Variants in AKAIN1 observed in about 807,000 individuals in gnomAD.
The protein encoded by AKAIN1 is A-kinase anchor inhibitor 1.
A neutral mutation model predicts 3.7 loss-of-function variants in AKAIN1; 3 were observed. The observed-to-expected ratio is 0.82, with a 90% CI of 0.37 to 2.12. The LOEUF (loss-of-function observed/expected upper bound fraction) is 2.12, where lower values mean the gene tolerates loss of function less well. Ranked by LOEUF, AKAIN1 falls within the 30% of genes most tolerant of loss-of-function variation. AKAIN1 has a pLI of 0.06. For synonymous variants in AKAIN1, 31 were observed against 30.8 expected (o/e 1.01, Z -0.02); for missense variants, 82 against 82.7 (o/e 0.99, Z 0.03).
chr18:5,157,980 C>T (rs1321711439), intron 1 of AKAIN1, among the ~76,000 whole-genome samples: 4 of 152,170 alleles, frequency 2.6e-5, no homozygotes, highest in African/African-American at 9.7e-5. Flanking sequence ...AGGTGTGAGA[C>T]ACCAAGCCCA....
intron 1 of AKAIN1, among the ~76,000 whole-genome samples, chr18:5,157,624 T>C (rs1326416041): frequency 5.3e-5 from 8 of 152,280 alleles, no homozygotes; most frequent in African/African-American, 1.9e-4. Context: ...AAAGATAAAA[T>C]CTAGTCATGT....
intron 1 of AKAIN1, 24 bp from the exon 2 acceptor site, chr18:5,145,779 G>C (rs1567870045): frequency 6.5e-7 from 1 of 1,536,220 alleles, no homozygotes; most frequent in Admixed American, 2.0e-5. Context: ...TGAAAAGGAG[G>C]GGAAAAGGAG....
At chr18:5,153,876 A>G (rs1230995127) in intron 1 of AKAIN1, among the ~76,000 whole-genome samples, 3 of 151,194 alleles carry the variant, frequency 2.0e-5, no homozygotes, top group East Asian at 2.0e-4. Context: ...GGGGATGTAG[A>G]AAGGGGGAGG....
chr18:5,155,572 A>T (rs2071103282), intron 1 of AKAIN1, among the ~76,000 whole-genome samples: 2 of 152,154 alleles, frequency 1.3e-5, no homozygotes, highest in Non-Finnish European at 2.9e-5. Context: ...CCTCTATGAG[A>T]AACAAGCTCT....
rs116908544 is a variant in AKAIN1, at chr18:5,178,590, C to A, written c.16+18448G>T. 1.5e-4 allele frequency among the ~76,000 whole-genome samples: 23 copies of A among 152,180 alleles called. No homozygotes were observed. The East Asian group carries it at 2.3e-3, about 15-fold the overall frequency. ...ATGATCATTTGTTCATTCATTTATA[C>A]GACATGTACAGAGCACTTGTATGTG... On this transcript the variant is annotated intron_variant, in intron 1 of 1. Coordinates refer to ENST00000434239, the MANE Select transcript of AKAIN1 (RefSeq NM_001145194.2).
At chr18:5,184,325 T>C (rs1242544067) in intron 1 of AKAIN1, among the ~76,000 whole-genome samples, 1 of 152,082 alleles carries the variant, frequency 6.6e-6, no homozygotes, top group East Asian at 1.9e-4. Context: ...GTCAACATAG[T>C]ACTAGAAGTC....
At chr18:5,164,703 T>G (rs751864479) in intron 1 of AKAIN1, among the ~76,000 whole-genome samples, 20 of 152,034 alleles carry the variant, frequency 1.3e-4, no homozygotes, top group Admixed American at 4.6e-4. Context: ...AACAAAATTT[T>G]ATCGTGACAT....
intron 1 of AKAIN1, among the ~76,000 whole-genome samples, chr18:5,191,901 CATAGCCT>C (rs1185106011): frequency 7.2e-5 from 11 of 152,260 alleles, no homozygotes; most frequent in African/African-American, 2.4e-4. Context: ...ATCTTATGCA[CATAGCCT>C]ATACGCATAT....
intron 1 of AKAIN1, among the ~76,000 whole-genome samples, chr18:5,185,044 C>T (rs1476143617): frequency 6.6e-6 from 1 of 152,082 alleles, no homozygotes. Context: ...TATTACTGCA[C>T]ACCTACCACC....
At chr18:5,188,354 C>T (rs571892657) in intron 1 of AKAIN1, among the ~76,000 whole-genome samples, 1 of 152,044 alleles carries the variant, frequency 6.6e-6, no homozygotes, top group East Asian at 1.9e-4. Flanking sequence ...ATGGCAGCTC[C>T]ACCCATGGGC....
intron 1 of AKAIN1, among the ~76,000 whole-genome samples, chr18:5,164,640 G>A (rs2071157609): frequency 2.0e-5 from 3 of 152,072 alleles, no homozygotes; most frequent in Middle Eastern, 3.4e-3. Flanking sequence ...TGTCCTCAAT[G>A]TATCCCCCTA....
At chr18:5,161,547 G>A (rs1039994483) in intron 1 of AKAIN1, among the ~76,000 whole-genome samples, 11 of 151,664 alleles carry the variant, frequency 7.3e-5, no homozygotes, top group African/African-American at 2.2e-4. Context: ...ACCTTTCTAT[G>A]CTGGTTGGAG....
chr18:5,151,812 A>T (rs904817810), intron 1 of AKAIN1, among the ~76,000 whole-genome samples: 3 of 152,246 alleles, frequency 2.0e-5, no homozygotes, highest in African/African-American at 7.2e-5. Flanking sequence ...GAGGACCTAC[A>T]TGTATGGTAC....
intron 1 of AKAIN1, among the ~76,000 whole-genome samples, chr18:5,169,293 T>C (rs2071184473): frequency 6.6e-6 from 1 of 152,126 alleles, no homozygotes; most frequent in South Asian, 2.1e-4. Context: ...TAATTATATC[T>C]TTAAAAATAT....
intron 1 of AKAIN1, among the ~76,000 whole-genome samples, chr18:5,188,832 C>T (rs1427371773): frequency 6.6e-6 from 1 of 152,138 alleles, no homozygotes; most frequent in Non-Finnish European, 1.5e-5. Context: ...AGAGCTGCTC[C>T]TCTGACTGTT....
chr18:5,155,635 A>G (rs1433419290), intron 1 of AKAIN1, among the ~76,000 whole-genome samples: 1 of 152,212 alleles, frequency 6.6e-6, no homozygotes, highest in Non-Finnish European at 1.5e-5. Context: ...CAGAAAGTTC[A>G]GGAAAAGCAA....
At chr18:5,187,285 C>T (rs2071293095) in intron 1 of AKAIN1, among the ~76,000 whole-genome samples, 1 of 152,072 alleles carries the variant, frequency 6.6e-6, no homozygotes, top group Non-Finnish European at 1.5e-5. Flanking sequence ...AAACCTGTAG[C>T]CACGCAGACA....
chr18:5,190,345 A>T (rs537998546), intron 1 of AKAIN1, among the ~76,000 whole-genome samples: 3 of 152,200 alleles, frequency 2.0e-5, no homozygotes, highest in Admixed American at 6.5e-5. Context: ...AGAATATTAC[A>T]AACAACTGTA....
At chr18:5,160,209 C>G (rs760623002) in intron 1 of AKAIN1, among the ~76,000 whole-genome samples, 1 of 152,152 alleles carries the variant, frequency 6.6e-6, no homozygotes, top group Non-Finnish European at 1.5e-5. Flanking sequence ...GCACTCTCCT[C>G]AGCAAGGAAC....
Sources: gnomAD v4.1 joint callset for allele counts (sites outside exome capture counted in the v4.1 genomes callset) on GRCh38, gnomAD v4.1.1 for gene constraint, MANE v1.5 for transcripts, NCBI Gene and HGNC (gene_info 2026-07-23, HGNC 2026-07-21) for gene names.